The following TGFBR3 variants were observed in gnomAD, a reference collection of about 807,000 sequenced individuals.
TGFBR3 encodes the protein transforming growth factor beta receptor 3, also known as transforming growth factor beta receptor type 3.
In TGFBR3, 46 loss-of-function variants were observed where a neutral mutation model predicts 87.9. The observed-to-expected ratio is 0.52, with a 90% CI of 0.41 to 0.67. The LOEUF (loss-of-function observed/expected upper bound fraction) is 0.67, where lower values mean the gene tolerates loss of function less well. Ranked by LOEUF, TGFBR3 falls within the 30% of genes least tolerant of loss-of-function variation. TGFBR3 has a pLI of 0.00. For synonymous variants in TGFBR3, 381 were observed against 391.6 expected (o/e 0.97, Z 0.32); for missense variants, 866 against 1,041.9 (o/e 0.83, Z 2.32).
chr1:91,720,092 A>T lies in TGFBR3; in HGVS notation c.1214T>A (p.Phe405Tyr). The stretch of plus-strand genomic sequence containing the variant: ...CCAGACTCTCCTGGAAATATCTGGG[A>T]AAGGAAACGGAAGGCCTCCATTTTG... ...EGQNGGLPFP[F>Y]PDISRRVWNE... Residue 405 changes from phenylalanine (F) to tyrosine (Y), a missense_variant, in exon 9 of 17, where the codon TTC becomes TAC. Transcript: ENST00000212355. The T allele has an allele frequency of 6.2e-7, 1 of 1,614,128 alleles. No individual in the cohort carries two copies. Among genetic ancestry groups the T allele is most frequent in the Non-Finnish European group, 8.5e-7 (1 of 1,180,024 alleles).
intron 2 of TGFBR3, among the ~76,000 whole-genome samples, chr1:91,824,653 T>C (rs1043629455): frequency 6.6e-6 from 1 of 152,186 alleles, no homozygotes; most frequent in East Asian, 1.9e-4. Context: ...TCATATATTG[T>C]TGCTGGGAGT....
At chr1:91,714,891 T>C (rs1457606890) in intron 12 of TGFBR3, among the ~76,000 whole-genome samples, 3 of 152,210 alleles carry the variant, frequency 2.0e-5, no homozygotes, top group Non-Finnish European at 4.4e-5. Flanking sequence ...ACTCTCAGAA[T>C]GGGGGAGGGG....
chr1:91,860,020 C>T (rs1007615460), intron 2 of TGFBR3, among the ~76,000 whole-genome samples: 3 of 152,140 alleles, frequency 2.0e-5, no homozygotes, highest in Non-Finnish European at 4.4e-5. Flanking sequence ...CACACAACCC[C>T]AGATCTGAGT....
In TGFBR3 at chr1:91,861,474, C is replaced by G; in HGVS notation, c.58G>C (p.Ala20Pro). 1 of 1,610,274 alleles carries G rather than the reference C, an allele frequency of 6.2e-7. No homozygotes were observed. The highest frequency in any genetic ancestry group is 1.1e-5 in the South Asian group (1 of 90,980). Residue 20 changes from alanine (A) to proline (P), a missense_variant, in exon 2 of 17, where the codon GCA becomes CCA. Coordinates refer to ENST00000212355, the MANE Select transcript of TGFBR3 (RefSeq NM_003243.5). ...CAATTTATATTATGCAACTTACCTGCAGTGGCTAAACAGGAGCTCATCAGG... is the reference window on the plus strand; with the variant it reads ...CAATTTATATTATGCAACTTACCTGGAGTGGCTAAACAGGAGCTCATCAGG... Reference protein sequence around the residue: ...FALMSSCLATAGPEPGALCEL... With the variant: ...FALMSSCLATPGPEPGALCEL...
intron 12 of TGFBR3, among the ~76,000 whole-genome samples, chr1:91,713,620 T>C (rs1303487604): frequency 6.6e-6 from 1 of 152,224 alleles, no homozygotes; most frequent in Non-Finnish European, 1.5e-5. Context: ...ACCCCTGACA[T>C]CACATGGGGC....
At chr1:91,903,604 G>C (rs776965299) in intron 1 of TGFBR3, among the ~76,000 whole-genome samples, 1 of 151,800 alleles carries the variant, frequency 6.6e-6, no homozygotes, top group Non-Finnish European at 1.5e-5. Flanking sequence ...AAAATTAGCC[G>C]GGCATGGTAG....
intron 3 of TGFBR3, among the ~76,000 whole-genome samples, chr1:91,760,148 T>C (rs974760603): frequency 5.9e-5 from 9 of 152,258 alleles, no homozygotes; most frequent in African/African-American, 2.2e-4. Context: ...TATGAATAAC[T>C]TGCATCATCT....
chr1:91,726,934 A>C (rs1486774310), intron 7 of TGFBR3, among the ~76,000 whole-genome samples: 1 of 152,186 alleles, frequency 6.6e-6, no homozygotes, highest in Non-Finnish European at 1.5e-5. Flanking sequence ...AGCATATTTG[A>C]GATAAGATTT....
rs1167129221 is a variant in TGFBR3 at position 91,775,753 on chromosome 1, A to C, written c.247-17003T>G. On this transcript the variant is annotated intron_variant, in intron 3 of 16. Transcript: ENST00000212355. ...CAAGACATGCAAGAATTCAAGACCAAATCAGAATGCATCCCAGAGTTCACC... is the reference window on the plus strand; with the variant it reads ...CAAGACATGCAAGAATTCAAGACCACATCAGAATGCATCCCAGAGTTCACC... Among the ~76,000 whole-genome samples the C allele has an allele frequency of 5.9e-5, 9 of 152,198 alleles. No individual in the cohort carries two copies. In the East Asian group the frequency reaches 1.7e-3, roughly 29 times the overall value.
At chr1:91,758,857 C>T (rs941636248) in intron 3 of TGFBR3, 107 bp from the exon 4 acceptor site, 6 of 1,352,448 alleles carry the variant, frequency 4.4e-6, no homozygotes, top group Non-Finnish European at 6.3e-6. Flanking sequence ...TCAACAGAAA[C>T]AAGCTATAAT....
In TGFBR3 at chr1:91,758,694, C is replaced by A; in HGVS notation, c.303G>T (p.Val101=). The change falls in exon 4 of 17, where the codon GTG becomes GTT. Residue 101 remains valine, a synonymous_variant. Transcript: ENST00000212355. The part of the protein sequence containing the change: ...SSVHIHHKSV[V]FLLNSPHPLV... ...GGGGGTGTGGGGAGTTGAGCAGGAA[C>A]ACAACAGACTTGTGGTGGATGTGGA... The A allele has an allele frequency of 6.2e-7, 1 of 1,614,024 alleles. No individual in the cohort carries two copies. Among genetic ancestry groups the A allele is most frequent in the Non-Finnish European group, 8.5e-7 (1 of 1,179,946 alleles).
At chr1:91,684,947 C>A (rs573722893) in intron 16 of TGFBR3, among the ~76,000 whole-genome samples, 1 of 152,250 alleles carries the variant, frequency 6.6e-6, no homozygotes, top group South Asian at 2.1e-4. Context: ...ATCTATCAGC[C>A]GGAGATAAGC....
At chr1:91,838,825 T>C (rs1677163337) in intron 2 of TGFBR3, among the ~76,000 whole-genome samples, 1 of 152,198 alleles carries the variant, frequency 6.6e-6, no homozygotes, top group Admixed American at 6.5e-5. Flanking sequence ...TCTCTTTAAA[T>C]GTCTGGCTTA....
At chr1:91,817,449 T>C (rs1165374254) in intron 2 of TGFBR3, among the ~76,000 whole-genome samples, 2 of 152,200 alleles carry the variant, frequency 1.3e-5, no homozygotes, top group African/African-American at 4.8e-5. Context: ...TAAAGAACAC[T>C]ATGACCTTGG....
chr1:91,885,455 C>A (rs1453044777), intron 1 of TGFBR3, among the ~76,000 whole-genome samples: 2 of 152,148 alleles, frequency 1.3e-5, no homozygotes, highest in East Asian at 3.9e-4. Flanking sequence ...GTGCACGAGT[C>A]CGGGAGCCAC....
At chr1:91,862,470 A>C (rs183032740) in intron 1 of TGFBR3, among the ~76,000 whole-genome samples, 1 of 152,352 alleles carries the variant, frequency 6.6e-6, no homozygotes, top group Admixed American at 6.5e-5. Flanking sequence ...ACAGGAAAAA[A>C]GTCTTCCCTG....
chr1:91,722,910 G>A (rs1672419726), intron 7 of TGFBR3, among the ~76,000 whole-genome samples: 1 of 152,164 alleles, frequency 6.6e-6, no homozygotes, highest in Non-Finnish European at 1.5e-5. Flanking sequence ...CGTATATGTG[G>A]TCCCTCACTG....
At chr1:91,845,195 C>G (rs1197161484) in intron 2 of TGFBR3, among the ~76,000 whole-genome samples, 1 of 152,184 alleles carries the variant, frequency 6.6e-6, no homozygotes, top group African/African-American at 2.4e-5. Context: ...GCACAGTCCT[C>G]TGAAATTTTT....
In TGFBR3 at chr1:91,681,953, A is replaced by T. The variant is rs932688980; in HGVS notation, c.*1786T>A. ...CTAAACTCATGTCTTCTTCGTTTGT[A>T]TATGGAAATCTAGAAATTTTTCAGT... On this transcript the variant is annotated 3_prime_UTR_variant, in exon 17 of 17. Coordinates refer to ENST00000212355, the MANE Select transcript of TGFBR3 (RefSeq NM_003243.5). The T allele has an allele frequency of 4.4e-6, 2 of 453,362 alleles. No individual in the cohort carries two copies. Among genetic ancestry groups the T allele is most frequent in the Non-Finnish European group, 8.8e-6 (2 of 226,672 alleles). 28.1% of individuals were successfully genotyped at this position (453,362 alleles called of 1,614,324 possible). A position where few individuals can be genotyped will look rare whatever the true frequency, so the allele number is the denominator to read the frequency against.
Sources: allele counts gnomAD v4.1 joint callset (sites outside exome capture counted in the v4.1 genomes callset), GRCh38; gene constraint gnomAD v4.1.1; transcripts MANE v1.5; gene names NCBI Gene and HGNC (gene_info 2026-07-23, HGNC 2026-07-21).